GNAO1: variants seen among roughly 807,000 people sequenced by gnomAD.
The protein encoded by GNAO1 is G protein subunit alpha o1.
For synonymous variants in GNAO1, 164 were observed against 180.7 expected (o/e 0.91, Z 0.74); for missense variants, 166 against 478.7 (o/e 0.35, Z 6.10).
At position 56,194,373 on chromosome 16, in the gene GNAO1, C is replaced by T. The variant is rs529207187; in HGVS notation, c.161+1757C>T. ...TGCAAGCCGCGCCACCCCTTTCTCC[C>T]GAGGGGGGACGTTTTAAAACTTCAG... On this transcript the variant is annotated intron_variant, in intron 2 of 8. Coordinates refer to ENST00000262493, the MANE Select transcript of GNAO1 (RefSeq NM_020988.3). The T allele has an allele frequency of 1.1e-3, 461 of 420,772 alleles. 8 individuals carry two copies. Among genetic ancestry groups the T allele is most frequent in the South Asian group, 7.4e-3 (448 of 60,540 alleles). The allele number at this position is 420,772 out of a possible 1,614,324, so 26.1% of individuals were successfully genotyped here.
At chr16:56,192,959 TC>T (rs2036193905) in intron 2 of GNAO1, 1 of 237,262 alleles carries the variant, frequency 4.2e-6, no homozygotes, top group East Asian at 8.9e-5. Flanking sequence ...TCTCACTGCC[TC>T]CATTTCTGTC....
At chr16:56,289,589 C>G (rs1435518302) in intron 3 of GNAO1, among the ~76,000 whole-genome samples, 1 of 152,198 alleles carries the variant, frequency 6.6e-6, no homozygotes, top group African/African-American at 2.4e-5. Context: ...TTAGTCTGAT[C>G]AGTCCAAAAG....
rs770385484 is a variant in GNAO1 at position 56,328,678 on chromosome 16, C to G, written c.351C>G (p.Thr117=). The change falls in exon 4 of 9, where the codon ACC becomes ACG. Residue 117 remains threonine, a synonymous_variant. Transcript: ENST00000262493. ...VCDVVSRMED[T]EPFSAELLSA... ...ATGTGGTGAGTCGGATGGAAGACAC[C>G]GAGCCCTTCTCTGCAGAGCTGCTTT... 7 of 1,614,096 alleles carry G rather than the reference C, an allele frequency of 4.3e-6. No homozygotes were observed. Among genetic ancestry groups the G allele is most frequent in the East Asian group, 2.2e-5 (1 of 44,894 alleles).
chr16:56,284,171 G>A (rs1378083963), intron 3 of GNAO1, among the ~76,000 whole-genome samples: 1 of 152,238 alleles, frequency 6.6e-6, no homozygotes, highest in African/African-American at 2.4e-5. Flanking sequence ...CAAGATGGCA[G>A]AGGTGGGTAC....
At chr16:56,253,857 C>T (rs2036821761) in intron 2 of GNAO1, among the ~76,000 whole-genome samples, 1 of 152,156 alleles carries the variant, frequency 6.6e-6, no homozygotes, top group Non-Finnish European at 1.5e-5. Flanking sequence ...GCCAACTCTT[C>T]CTGGGATTGA....
rs1050130973 is a variant in GNAO1 at position 56,219,227 on chromosome 16, C to T, written c.161+26611C>T. ...CATCCCACTGGGTCTTGTTTGAAAC[C>T]ACCACATTGGGTTTAGGTCTGCTAT... On this transcript the variant is annotated intron_variant, in intron 2 of 8. Coordinates refer to ENST00000262493, the MANE Select transcript of GNAO1 (RefSeq NM_020988.3). Among the ~76,000 whole-genome samples the T allele has an allele frequency of 2.0e-5, 3 of 152,148 alleles. 1 individual carries two copies. Among genetic ancestry groups the T allele is most frequent in the South Asian group, 4.1e-4 (2 of 4,832 alleles).
intron 3 of GNAO1, among the ~76,000 whole-genome samples, chr16:56,305,868 C>T (rs2037390634): frequency 6.6e-6 from 1 of 152,190 alleles, no homozygotes; most frequent in African/African-American, 2.4e-5. Flanking sequence ...GAGTCTGTGT[C>T]TTAATCTCTA....
chr16:56,215,283 G>T (rs890904119), intron 2 of GNAO1, among the ~76,000 whole-genome samples: 7 of 152,154 alleles, frequency 4.6e-5, no homozygotes, highest in African/African-American at 1.7e-4. Context: ...TGCCCTCAAG[G>T]TCCCATAGAG....
At chr16:56,239,265 A>G (rs2036671374) in intron 2 of GNAO1, among the ~76,000 whole-genome samples, 1 of 152,272 alleles carries the variant, frequency 6.6e-6, no homozygotes. Flanking sequence ...TAAAATGCCC[A>G]CAAGCTTTGG....
At position 56,326,462 on chromosome 16, in the gene GNAO1, A is replaced by G. The variant is rs2037633570; in HGVS notation, c.304-2169A>G. On this transcript the variant is annotated intron_variant, in intron 3 of 8. Transcript: ENST00000262493. The surrounding 1 kb of genome is among the most constrained non-coding windows in gnomAD (Gnocchi z 4.8). ...AGGTTCCTTTAGAAGCTTATCTGAG[A>G]AAAGGATTTGGGTGAGACAAGGAGT... Among the ~76,000 whole-genome samples, 1 of 152,194 alleles carries G rather than the reference A, an allele frequency of 6.6e-6. No homozygotes were observed. Among genetic ancestry groups the G allele is most frequent in the Non-Finnish European group, 1.5e-5 (1 of 68,030 alleles).
At chr16:56,205,509 G>T (rs926196864) in intron 2 of GNAO1, among the ~76,000 whole-genome samples, 1 of 152,194 alleles carries the variant, frequency 6.6e-6, no homozygotes, top group South Asian at 2.1e-4. Flanking sequence ...TGGTAGAATG[G>T]TGATGTGTGG....
chr16:56,210,560 C>G (rs1193097736), intron 2 of GNAO1, among the ~76,000 whole-genome samples: 5 of 152,240 alleles, frequency 3.3e-5, no homozygotes, highest in Non-Finnish European at 1.5e-5. Context: ...TTCCTGTTGT[C>G]TGCAACGTCA....
intron 2 of GNAO1, chr16:56,235,078 C>T (rs1308107878): frequency 3.3e-5 from 11 of 330,508 alleles, no homozygotes; most frequent in Non-Finnish European, 5.9e-5. Context: ...TATTCGCTGA[C>T]CAGACAAAGA....
At position 56,192,179 on chromosome 16, in the gene GNAO1, C is replaced by T; in HGVS notation, c.-57C>T. On this transcript the variant is annotated 5_prime_UTR_variant, in exon 1 of 9. Transcript: ENST00000262493. Reference sequence around the variant, plus strand: ...CTCTCTGGGGGGGTGGGGGGCGCTCCAAGCCGGGGAGCCGTGCCAGCCGAG... The same window carrying T: ...CTCTCTGGGGGGGTGGGGGGCGCTCTAAGCCGGGGAGCCGTGCCAGCCGAG... 1 of 1,022,958 alleles carries T rather than the reference C, an allele frequency of 9.8e-7. No individual in the cohort carries two copies. 63.4% of individuals were successfully genotyped at this position (1,022,958 alleles called of 1,614,324 possible).
intron 2 of GNAO1, among the ~76,000 whole-genome samples, chr16:56,238,433 G>GT (rs1269893613): frequency 6.6e-6 from 1 of 152,254 alleles, no homozygotes; most frequent in East Asian, 1.9e-4. Flanking sequence ...AGATTGGAGA[G>GT]TGGGGGACAA....
At chr16:56,299,243 A>G (rs1345999808) in intron 3 of GNAO1, among the ~76,000 whole-genome samples, 1 of 152,224 alleles carries the variant, frequency 6.6e-6, no homozygotes. Flanking sequence ...TGAAGCCCTC[A>G]GCGCTGGGTT....
chr16:56,313,261 T>C (rs2037477025), intron 3 of GNAO1, among the ~76,000 whole-genome samples: 1 of 152,182 alleles, frequency 6.6e-6, no homozygotes, highest in Non-Finnish European at 1.5e-5. Flanking sequence ...AACATTTTGG[T>C]TTATACTCCT....
At chr16:56,286,392 A>C (rs531310374) in intron 3 of GNAO1, among the ~76,000 whole-genome samples, 3 of 152,222 alleles carry the variant, frequency 2.0e-5, no homozygotes, top group Admixed American at 2.0e-4. Flanking sequence ...TAAAACACAA[A>C]ACAGCCACAG....
intron 2 of GNAO1, among the ~76,000 whole-genome samples, chr16:56,250,546 C>G (rs1201677454): frequency 6.6e-6 from 1 of 152,178 alleles, no homozygotes; most frequent in Non-Finnish European, 1.5e-5. Context: ...AGAAGCTGAT[C>G]CTGAGTATCA....
Sources: gnomAD v4.1 joint callset for allele counts (sites outside exome capture counted in the v4.1 genomes callset) on GRCh38, gnomAD v4.1.1 for gene constraint, Gnocchi (gnomAD v3.1) non-coding constraint, MANE v1.5 for transcripts, NCBI Gene and HGNC (gene_info 2026-07-23, HGNC 2026-07-21) for gene names.